Variants in FOXP1 observed in about 807,000 individuals in gnomAD.
FOXP1 encodes forkhead box P1.
FOXP1 carries 15 observed loss-of-function variants against 98.2 expected under a neutral mutation model. That is an observed-to-expected ratio of 0.15 (90% CI 0.10 to 0.24). The LOEUF (loss-of-function observed/expected upper bound fraction) is 0.24, where lower values mean the gene tolerates loss of function less well. Ranked by LOEUF, FOXP1 falls within the 10% of genes least tolerant of loss-of-function variation. The pLI is 1.00. For synonymous variants in FOXP1, 371 were observed against 314.5 expected (o/e 1.18, Z -1.90); for missense variants, 633 against 848.5 (o/e 0.75, Z 3.15).
At chr3:71,343,490 G>C (rs1284808082) in intron 4 of FOXP1, among the ~76,000 whole-genome samples, 2 of 151,310 alleles carry the variant, frequency 1.3e-5, no homozygotes, top group Non-Finnish European at 2.9e-5. Context: ...TTTTTGTTGG[G>C]TTACGGGGCG....
chr3:71,240,297 T>C (rs1442702578), intron 5 of FOXP1, among the ~76,000 whole-genome samples: 1 of 152,226 alleles, frequency 6.6e-6, no homozygotes, highest in Non-Finnish European at 1.5e-5. Context: ...GTGATGCTCT[T>C]TGCATTCTTT....
At chr3:70,987,129 A>C (rs1201474144) in intron 14 of FOXP1, among the ~76,000 whole-genome samples, 1 of 152,240 alleles carries the variant, frequency 6.6e-6, no homozygotes, top group African/African-American at 2.4e-5. Flanking sequence ...AAGGCAGTGT[A>C]CCTTTAAATT....
At chr3:71,039,516 T>C (rs1236738428) in intron 11 of FOXP1, among the ~76,000 whole-genome samples, 1 of 152,022 alleles carries the variant, frequency 6.6e-6, no homozygotes, top group African/African-American at 2.4e-5. Context: ...CAAGAAGAGT[T>C]TTCTATGTCA....
intron 2 of FOXP1, among the ~76,000 whole-genome samples, chr3:71,529,502 G>A (rs1304901048): frequency 6.6e-6 from 1 of 152,182 alleles, no homozygotes; most frequent in Non-Finnish European, 1.5e-5. Context: ...GCCTCAGGAT[G>A]GGGGAGCCAG....
At chr3:71,254,336 G>T (rs982176077) in intron 5 of FOXP1, among the ~76,000 whole-genome samples, 1 of 152,128 alleles carries the variant, frequency 6.6e-6, no homozygotes, top group Non-Finnish European at 1.5e-5. Context: ...TAGGTAGGTT[G>T]GGCACACAAA....
intron 2 of FOXP1, among the ~76,000 whole-genome samples, chr3:71,565,980 A>G (rs768322308): frequency 2.8e-4 from 43 of 152,228 alleles, no homozygotes; most frequent in Admixed American, 1.4e-3. Flanking sequence ...CAATAAATGA[A>G]CACAGATCCA....
At position 71,042,742 on chromosome 3, in the gene FOXP1, A is replaced by G. The variant is rs189500764; in HGVS notation, c.665-1210T>C. On this transcript the variant is annotated intron_variant, in intron 10 of 20. Coordinates refer to ENST00000649528, the MANE Select transcript of FOXP1 (RefSeq NM_001349338.3). Reference sequence around the variant, plus strand: ...ACCAAACCTAAGGTATCGAATTAAAAAAGAAGGCTGTGTGCATTATATTCA... The same window carrying G: ...ACCAAACCTAAGGTATCGAATTAAAGAAGAAGGCTGTGTGCATTATATTCA... Among the ~76,000 whole-genome samples the G allele has an allele frequency of 2.0e-5, 3 of 152,348 alleles. No homozygotes were observed. In the East Asian group the frequency reaches 5.8e-4, roughly 29 times the overall value.
At chr3:71,187,031 A>T (rs577442706) in intron 6 of FOXP1, among the ~76,000 whole-genome samples, 1 of 152,344 alleles carries the variant, frequency 6.6e-6, no homozygotes, top group Non-Finnish European at 1.5e-5. Context: ...CAGAACTTTT[A>T]TTTACTAGGT....
intron 20 of FOXP1, among the ~76,000 whole-genome samples, chr3:70,961,774 G>C (rs935295265): frequency 6.6e-6 from 1 of 152,126 alleles, no homozygotes; most frequent in African/African-American, 2.4e-5. Flanking sequence ...ATTAAAGCAA[G>C]TACATGCCAG....
At chr3:71,200,174 A>G (rs768695275) in intron 5 of FOXP1, among the ~76,000 whole-genome samples, 1 of 151,820 alleles carries the variant, frequency 6.6e-6, no homozygotes, top group South Asian at 2.1e-4. Context: ...GCACAAAACC[A>G]TTATCCCAGA....
At chr3:71,383,842 G>T (rs2080363530) in intron 3 of FOXP1, among the ~76,000 whole-genome samples, 1 of 152,152 alleles carries the variant, frequency 6.6e-6, no homozygotes, top group African/African-American at 2.4e-5. Context: ...GAGGTGAGAA[G>T]ATAGATAAAA....
chr3:71,330,966 G>A (rs958114110), intron 4 of FOXP1, among the ~76,000 whole-genome samples: 5 of 152,232 alleles, frequency 3.3e-5, no homozygotes, highest in Non-Finnish European at 7.4e-5. Context: ...AGGTGACAGC[G>A]TGCTGGCAGC....
intron 7 of FOXP1, among the ~76,000 whole-genome samples, chr3:71,062,691 A>T (rs1226882771): frequency 6.6e-6 from 1 of 152,228 alleles, no homozygotes; most frequent in Non-Finnish European, 1.5e-5. Context: ...TTGACATGTT[A>T]TACCTCTCAT....
chr3:71,532,540 T>A (rs929470792), intron 2 of FOXP1, among the ~76,000 whole-genome samples: 6 of 152,188 alleles, frequency 3.9e-5, no homozygotes, highest in African/African-American at 1.4e-4. Flanking sequence ...AATGATTTTT[T>A]AAAAAAATTA....
chr3:71,516,748 A>G (rs2107392399), intron 2 of FOXP1, among the ~76,000 whole-genome samples: 1 of 152,316 alleles, frequency 6.6e-6, no homozygotes, highest in East Asian at 1.9e-4. Flanking sequence ...TGGGAGGCTG[A>G]GGCAGGAGAA....
In FOXP1 at chr3:71,041,450, G is replaced by A; in HGVS notation, c.747C>T (p.His249=). 1.2e-6 allele frequency: 2 copies of A among 1,613,902 alleles called. No individual in the cohort carries two copies. Among genetic ancestry groups the A allele is most frequent in the Non-Finnish European group, 1.7e-6 (2 of 1,179,838 alleles). Residue 249 remains histidine (H), a synonymous_variant, in exon 11 of 21, where the codon CAC becomes CAT. Transcript: ENST00000649528. ...ATGTCGTGGTCAGATCCAAACTGCTGTGATTGTTGCCTGTGGTTTCTTCTG... is the reference window on the plus strand; with the variant it reads ...ATGTCGTGGTCAGATCCAAACTGCTATGATTGTTGCCTGTGGTTTCTTCTG... ...HTAEETTGNN[H]SSLDLTTTCV...
At chr3:71,372,452 G>GTTCC (rs2079407768) in intron 3 of FOXP1, among the ~76,000 whole-genome samples, 1 of 152,210 alleles carries the variant, frequency 6.6e-6, no homozygotes. Context: ...CAGATATCTT[G>GTTCC]TTCCTTCGTT....
intron 6 of FOXP1, among the ~76,000 whole-genome samples, chr3:71,185,142 G>A (rs1269950151): frequency 6.6e-6 from 1 of 151,912 alleles, no homozygotes; most frequent in East Asian, 1.9e-4. Context: ...GCAGTGAGCC[G>A]AGATCAAGCC....
At chr3:71,495,417 T>A (rs2091335792) in intron 2 of FOXP1, among the ~76,000 whole-genome samples, 1 of 152,206 alleles carries the variant, frequency 6.6e-6, no homozygotes, top group Admixed American at 6.5e-5. Context: ...CTATTTCTTT[T>A]CATCGCAATG....
Sources: allele counts gnomAD v4.1 joint callset (sites outside exome capture counted in the v4.1 genomes callset), GRCh38; gene constraint gnomAD v4.1.1; transcripts MANE v1.5; gene names NCBI Gene and HGNC (gene_info 2026-07-23, HGNC 2026-07-21).